Variants in INSC observed in about 807,000 individuals in gnomAD.
The protein encoded by INSC is protein inscuteable homolog.
INSC carries 67 observed loss-of-function variants against 58.6 expected under a neutral mutation model. The observed-to-expected ratio is 1.14, with a 90% CI of 0.94 to 1.40. The LOEUF is 1.40. Ranked by LOEUF, INSC falls within the 40% of genes most tolerant of loss-of-function variation. The pLI is 0.00. For missense variants in INSC, 714 were observed against 692.0 expected, an observed-to-expected ratio of 1.03 and a Z score of -0.36; for synonymous variants, 262 against 276.1, an observed-to-expected ratio of 0.95 and a Z score of 0.51.
intron 9 of INSC, among the ~76,000 whole-genome samples, chr11:15,227,236 G>A (rs1851674614): frequency 6.6e-6 from 1 of 152,202 alleles, no homozygotes; most frequent in African/African-American, 2.4e-5. Flanking sequence ...AGGAGGTAGT[G>A]CAGCTGTTGA....
At chr11:15,263,783 C>T in the INSC span, among the ~76,000 whole-genome samples, 2 of 152,150 alleles carry the variant, frequency 1.3e-5, no homozygotes, top group East Asian at 3.9e-4. Context: ...AATTCACTTT[C>T]AAGCTCATAT....
At chr11:15,116,166 C>T (rs1049854556) in intron 1 of INSC, among the ~76,000 whole-genome samples, 2 of 152,164 alleles carry the variant, frequency 1.3e-5, no homozygotes, top group Non-Finnish European at 2.9e-5. Context: ...GAAGTGAAAA[C>T]TTCCAAACAC....
At chr11:15,219,990 T>C (rs183785274) in intron 7 of INSC, among the ~76,000 whole-genome samples, 1 of 152,312 alleles carries the variant, frequency 6.6e-6, no homozygotes, top group Admixed American at 6.5e-5. Flanking sequence ...TCCCTTTTAT[T>C]AAGCACATCC....
At chr11:15,209,767 T>G (rs1197008307) in intron 7 of INSC, among the ~76,000 whole-genome samples, 2 of 152,176 alleles carry the variant, frequency 1.3e-5, no homozygotes, top group Non-Finnish European at 2.9e-5. Context: ...GGTGAAATGA[T>G]GTGCACACCC....
intron 2 of INSC, among the ~76,000 whole-genome samples, chr11:15,156,537 G>T (rs757636129): frequency 1.1e-4 from 17 of 152,222 alleles, no homozygotes; most frequent in Non-Finnish European, 2.5e-4. Context: ...GGATTGTTTT[G>T]AGGGTTAATT....
At chr11:15,186,273 C>G (rs1388130204) in intron 5 of INSC, among the ~76,000 whole-genome samples, 1 of 150,888 alleles carries the variant, frequency 6.6e-6, no homozygotes, top group Non-Finnish European at 1.5e-5. Flanking sequence ...GTAATGAACT[C>G]TGCCCCCAAT....
At position 15,115,045 on chromosome 11, in the gene INSC, A is replaced by T. The variant is rs562718836; in HGVS notation, c.-46+42A>T. On this transcript the variant is annotated intron_variant, in intron 1 of 12. Coordinates refer to ENST00000379556, the MANE Select transcript of INSC (RefSeq NM_001042536.3). ...CCTAGCTGGATTCAGGGGGCTGGTG[A>T]TGCCTCTGCTAGCCTAGTTGGGAAC... 9.2e-4 allele frequency: 900 copies of T among 976,908 alleles called. 1 individual carries two copies. The highest frequency in any genetic ancestry group is 1.1e-3 in the Middle Eastern group (2 of 1,902). 60.5% of individuals were successfully genotyped at this position (976,908 alleles called of 1,614,324 possible). A position where few individuals can be genotyped will look rare whatever the true frequency, so the allele number is the denominator to read the frequency against.
In INSC at chr11:15,175,645, TA is replaced by T. The variant is rs758591840; in HGVS notation, c.57-94del. 5.4e-4 allele frequency: 467 copies of T among 870,596 alleles called. 3 individuals are homozygous for T. Among genetic ancestry groups the T allele is most frequent in the Middle Eastern group, 3.5e-3 (15 of 4,302 alleles). 53.9% of individuals were successfully genotyped at this position (870,596 alleles called of 1,614,324 possible). A position where few individuals can be genotyped will look rare whatever the true frequency, so the allele number is the denominator to read the frequency against. On this transcript the variant is annotated intron_variant, in intron 2 of 12. Transcript: ENST00000379556. ...AATGGGAGAAACACTGCTAAACATA[TA>T]ATAGGTGCTTAGTAAATATCAGATG...
At chr11:15,163,443 C>A (rs1460819489) in intron 2 of INSC, among the ~76,000 whole-genome samples, 1 of 152,040 alleles carries the variant, frequency 6.6e-6, no homozygotes, top group East Asian at 1.9e-4. Context: ...CCCTCCCCCA[C>A]CTGAAAGTTT....
chr11:15,181,166 C>T (rs544984600), intron 5 of INSC, among the ~76,000 whole-genome samples: 8 of 152,334 alleles, frequency 5.3e-5, no homozygotes, highest in South Asian at 2.1e-4. Flanking sequence ...TCTTGTCTGA[C>T]CTGCAGCTTC....
In INSC at chr11:15,225,683, TC is replaced by T; in HGVS notation, c.1027del (p.Leu343TyrfsTer24). The T allele has an allele frequency of 6.2e-7, 1 of 1,614,204 alleles. No individual in the cohort carries two copies. Among genetic ancestry groups the T allele is most frequent in the South Asian group, 1.1e-5 (1 of 91,076 alleles). ...CAAGAGGCCTCATCAGGGGAAGTCT[TC>T]CTACTGGCCTCTGCGGCCCTTGCCA... is the stretch of plus-strand genomic sequence containing the variant. The part of the protein sequence containing the change: ...LCQEASSGEV[F>X]LLASAALANI... On this transcript the variant is annotated frameshift_variant, in exon 9 of 13. Transcript: ENST00000379556. LOFTEE classifies it high-confidence loss of function.
At position 15,146,779 on chromosome 11, in the gene INSC, T is replaced by C. The variant is rs536396110; in HGVS notation, c.-45-2351T>C. ...TATTGAATGTACAGTCACAGAGCTGTATTTCCGGAATCTGCCTCTTAGAAA... is the reference window on the plus strand; with the variant it reads ...TATTGAATGTACAGTCACAGAGCTGCATTTCCGGAATCTGCCTCTTAGAAA... On this transcript the variant is annotated intron_variant, in intron 1 of 12. Coordinates refer to ENST00000379556, the MANE Select transcript of INSC (RefSeq NM_001042536.3). Among the ~76,000 whole-genome samples the C allele has an allele frequency of 1.4e-4, 21 of 152,346 alleles. No homozygotes were observed. The South Asian group carries it at 4.1e-3, about 30-fold the overall frequency.
downstream of INSC, among the ~76,000 whole-genome samples, chr11:15,249,834 G>A (rs4347373): frequency 0.11 from 16,098 of 152,230 alleles, 1,016 homozygotes; most frequent in Admixed American, 0.14. Context: ...TACTATACTG[G>A]GCAGGGCATT....
intron 2 of INSC, among the ~76,000 whole-genome samples, chr11:15,164,809 G>A (rs912049292): frequency 1.1e-3 from 160 of 152,208 alleles, no homozygotes; most frequent in Non-Finnish European, 2.6e-4. Context: ...GACCAGGTGG[G>A]AGGTAATTGA....
chr11:15,191,642 A>T (rs1850183470), intron 6 of INSC, among the ~76,000 whole-genome samples: 1 of 152,200 alleles, frequency 6.6e-6, no homozygotes, highest in African/African-American at 2.4e-5. Flanking sequence ...CTCTATCCAC[A>T]TCACTTAATG....
chr11:15,183,875 T>C (rs969713372), intron 5 of INSC, among the ~76,000 whole-genome samples: 10 of 152,222 alleles, frequency 6.6e-5, no homozygotes, highest in Non-Finnish European at 1.5e-4. Context: ...AATTAAAGTC[T>C]ATTTTGCCAA....
the INSC span, among the ~76,000 whole-genome samples, chr11:15,263,252 G>A: frequency 2.9e-4 from 44 of 152,206 alleles, no homozygotes; most frequent in Non-Finnish European, 3.2e-4. Flanking sequence ...GTATGAAACT[G>A]GAGTTCCAGA....
intron 9 of INSC, among the ~76,000 whole-genome samples, chr11:15,229,944 AATAT>A (rs1421673734): frequency 2.2e-4 from 4 of 18,360 alleles, no homozygotes; most frequent in East Asian, 2.2e-3. Context: ...ATATATATAT[AATAT>A]TATATATATA....
At chr11:15,269,486 CT>C in the INSC span, among the ~76,000 whole-genome samples, 7 of 151,492 alleles carry the variant, frequency 4.6e-5, no homozygotes, top group South Asian at 1.5e-3. Flanking sequence ...TGATGTGGTA[CT>C]TTTTTTTATC....
Sources: allele counts gnomAD v4.1 joint callset (sites outside exome capture counted in the v4.1 genomes callset), GRCh38; gene constraint gnomAD v4.1.1; transcripts MANE v1.5; gene names NCBI Gene and HGNC (gene_info 2026-07-23, HGNC 2026-07-21).